F11: variants seen among roughly 807,000 people sequenced by gnomAD.
The protein encoded by F11 is coagulation factor XI, also known as coagualtion factor XI.
F11 carries 78 observed loss-of-function variants against 76.5 expected under a neutral mutation model. That is an observed-to-expected ratio of 1.02 (90% CI 0.85 to 1.23). The LOEUF (loss-of-function observed/expected upper bound fraction) is 1.23. Ranked by LOEUF, F11 falls within the 50% of genes most tolerant of loss-of-function variation. The pLI, the probability that F11 is intolerant of heterozygous loss-of-function variation, is 0.00. For missense variants in F11, 742 were observed against 771.4 expected (o/e 0.96, Z 0.45); for synonymous variants, 278 against 276.3 (o/e 1.01, Z -0.06).
In F11 at chr4:186,288,739, A is replaced by C; in HGVS notation, c.*125A>C. 9.4e-7 allele frequency: 1 copy of C among 1,068,868 alleles called. No individual in the cohort carries two copies. The highest frequency in any genetic ancestry group is 1.4e-5 in the South Asian group (1 of 73,142). The allele number at this position is 1,068,868 out of a possible 1,614,324, so 66.2% of individuals were successfully genotyped here. On this transcript the variant is annotated 3_prime_UTR_variant, in exon 15 of 15. Coordinates refer to ENST00000403665, the MANE Select transcript of F11 (RefSeq NM_000128.4). ...GCTGAAGGGGCTTGGTGTTTGTAAGAAAATGCTAGAAGAAAACAAACTGTC... is the reference window on the plus strand; with the variant it reads ...GCTGAAGGGGCTTGGTGTTTGTAAGCAAATGCTAGAAGAAAACAAACTGTC...
At chr4:186,267,678 C>T (rs1182706232) in intron 2 of F11, among the ~76,000 whole-genome samples, 1 of 152,098 alleles carries the variant, frequency 6.6e-6, no homozygotes, top group South Asian at 2.1e-4. Flanking sequence ...AATTACTTAG[C>T]CAATATTAAG....
In F11 at chr4:186,286,441, T is replaced by G. The variant is rs140068026; in HGVS notation, c.1507T>G (p.Ser503Ala). ...TTCTCAACGACCCATATGCCTGCCT[T>G]CCAAAGGAGATAGAAATGTAATATA... ...TDSQRPICLP[S>A]KGDRNVIYTD... The change falls in exon 13 of 15, where the codon TCC becomes GCC. Residue 503 changes from serine (S) to alanine (A), a missense_variant. Transcript: ENST00000403665. 1 of 1,614,026 alleles carries G rather than the reference T, an allele frequency of 6.2e-7. No homozygotes were observed. Among genetic ancestry groups the G allele is most frequent in the Non-Finnish European group, 8.5e-7 (1 of 1,179,966 alleles).
chr4:186,277,995 C>T (rs1012557616), intron 7 of F11, among the ~76,000 whole-genome samples: 3 of 152,112 alleles, frequency 2.0e-5, no homozygotes, highest in Non-Finnish European at 2.9e-5. Context: ...GACAGAGTTT[C>T]GCCATGTTGG....
chr4:186,267,211 A>T lies in F11; in HGVS notation c.55+20A>T. ...CTGGTGGTAAGTAGAGTGTTATCTT[A>T]ACTATGGGCTGGGAGAGGGAAATCA... On this transcript the variant is annotated intron_variant, in intron 2 of 14. Transcript: ENST00000403665. 6.9e-7 allele frequency: 1 copy of T among 1,444,474 alleles called. No individual in the cohort carries two copies. Among genetic ancestry groups the T allele is most frequent in the African/African-American group, 1.4e-5 (1 of 71,718 alleles). 89.5% of individuals were successfully genotyped at this position (1,444,474 alleles called of 1,614,324 possible). A position where few individuals can be genotyped will look rare whatever the true frequency, so the allele number is the denominator to read the frequency against.
chr4:186,280,023 TC>T lies in F11; in HGVS notation c.769del (p.Thr259HisfsTer90), dbSNP rs1554082832. 6.2e-7 allele frequency: 1 copy of T among 1,613,336 alleles called. No individual in the cohort carries two copies. The highest frequency in any genetic ancestry group is 1.7e-4 in the Middle Eastern group (1 of 6,060). On this transcript the variant is annotated frameshift_variant, in exon 8 of 15. Transcript: ENST00000403665. LOFTEE classifies it high-confidence loss of function. ...WPKESQRNLC[L>X]LKTSESGLPS... ...TTTGTTTTTGTTAGAAATCTTTGTC[TC>T]CTTAAAACATCTGAGAGTGGATTGC...
At chr4:186,279,570 G>A (rs1740628161) in intron 7 of F11, among the ~76,000 whole-genome samples, 2 of 152,050 alleles carry the variant, frequency 1.3e-5, no homozygotes, top group South Asian at 2.1e-4. Context: ...TGTCTACTTA[G>A]GAAAAGTCAC....
At chr4:186,269,468 C>T (rs113858014) in intron 2 of F11, among the ~76,000 whole-genome samples, 3 of 152,334 alleles carry the variant, frequency 2.0e-5, no homozygotes, top group African/African-American at 7.2e-5. Context: ...ACCTTGAGGA[C>T]ATTACGCTAA....
chr4:186,280,135 T>C lies in F11; in HGVS notation c.865+14T>C. On this transcript the variant is annotated intron_variant, in intron 8 of 14. Coordinates refer to ENST00000403665, the MANE Select transcript of F11 (RefSeq NM_000128.4). ...ACAGCATCCCAGGTAAACTGAGAGT[T>C]CTGCATTCTGGCTGAGAGTGACCAG... 6.2e-7 allele frequency: 1 copy of C among 1,614,034 alleles called. No homozygotes were observed.
rs763612601 is a variant in F11 at position 186,280,199 on chromosome 4, T to C, written c.866-24T>C. 8.1e-6 allele frequency: 13 copies of C among 1,614,052 alleles called. No homozygotes were observed. In the Admixed American group the frequency reaches 1.8e-4, roughly 23 times the overall value. Reference sequence around the variant, plus strand: ...GATACATGCTGAGGGAGGGTCTCACTCTGACATGTGGTCTGCTGTCTAGTG... The same window carrying C: ...GATACATGCTGAGGGAGGGTCTCACCCTGACATGTGGTCTGCTGTCTAGTG... On this transcript the variant is annotated intron_variant, in intron 8 of 14. Transcript: ENST00000403665.
intron 4 of F11, 23 bp downstream of exon 4, chr4:186,273,200 A>G (rs1369217137): frequency 6.4e-7 from 1 of 1,551,154 alleles, no homozygotes. Context: ...CTCAGAATCA[A>G]CAAATACCAG....
intron 2 of F11, among the ~76,000 whole-genome samples, chr4:186,267,858 A>G (rs1026750880): frequency 6.6e-6 from 1 of 152,216 alleles, no homozygotes; most frequent in Non-Finnish European, 1.5e-5. Flanking sequence ...CCTATGTGAA[A>G]AAAGGCAAAC....
chr4:186,288,383 G>A, intron 14 of F11, 70 bp from the exon 15 acceptor site: 1 of 1,603,154 alleles, frequency 6.2e-7, no homozygotes, highest in African/African-American at 1.3e-5. Flanking sequence ...ATCAGCCTGA[G>A]CAAGATGTGC....
chr4:186,284,164 T>C lies in F11; in HGVS notation c.1208T>C (p.Val403Ala). Residue 403 changes from valine (V) to alanine (A), a missense_variant, in exon 11 of 15, where the codon GTG becomes GCG. Transcript: ENST00000403665. ...ASVRGEWPWQ[V>A]TLHTTSPTQR... ...GTTCGTGGTGAGTGGCCGTGGCAGG[T>C]GACCCTGCACACAACCTCACCCACT... The C allele has an allele frequency of 6.2e-7, 1 of 1,614,132 alleles. No homozygotes were observed. The highest frequency in any genetic ancestry group is 8.5e-7 in the Non-Finnish European group (1 of 1,180,034).
In F11 at chr4:186,288,503, G is replaced by T. The variant is rs142054643; in HGVS notation, c.1767G>T (p.Leu589=). Residue 589 remains leucine (L), a synonymous_variant, in exon 15 of 15, where the codon CTG becomes CTT. Transcript: ENST00000403665. Reference sequence around the variant, plus strand: ...GCAAACACAATGAGGTCTGGCATCTGGTAGGCATCACGAGCTGGGGCGAAG... The same window carrying T: ...GCAAACACAATGAGGTCTGGCATCTTGTAGGCATCACGAGCTGGGGCGAAG... ...LSCKHNEVWH[L]VGITSWGEGC... is the part of the protein sequence containing the mutation. 4.5e-5 allele frequency: 72 copies of T among 1,614,068 alleles called. No individual in the cohort carries two copies. The African/African-American group carries it at 7.1e-4, about 16-fold the overall frequency.
chr4:186,287,634 G>A (rs1741303458), intron 13 of F11, 50 bp from the exon 14 acceptor site: 3 of 1,239,752 alleles, frequency 2.4e-6, no homozygotes, highest in Non-Finnish European at 3.5e-6. Context: ...ATATGTTTAT[G>A]TGTATTGTGT....
At chr4:186,280,422 C>T (rs1740712371) in intron 9 of F11, 37 bp downstream of exon 9, 1 of 1,614,042 alleles carries the variant, frequency 6.2e-7, no homozygotes, top group Non-Finnish European at 8.5e-7. Context: ...CACCCTTGTC[C>T]CGTCTGCCTG....
chr4:186,274,445 G>T (rs1740220418), intron 5 of F11, 170 bp downstream of exon 5: 3 of 778,302 alleles, frequency 3.9e-6, no homozygotes, highest in Non-Finnish European at 6.3e-6. Context: ...GCCTAATTTG[G>T]ATGCATTTCA....
At chr4:186,276,189 G>C (rs760190067) in intron 6 of F11, 42 bp from the exon 7 acceptor site, 6 of 1,612,980 alleles carry the variant, frequency 3.7e-6, no homozygotes, top group Non-Finnish European at 5.1e-6. Context: ...TTTCCTGATA[G>C]CTGGTGAATT....
Position 186,274,212 on chromosome 4 carries a change from C to A in F11, c.422C>A (p.Thr141Lys), listed in dbSNP as rs200593979. ...GCTCAAGAATGCCAAGAAAGATGCA[C>A]GGATGACGTCCACTGCCACTTTTTC... is the stretch of plus-strand genomic sequence containing the variant. ...KSAQECQERC[T>K]DDVHCHFFTY... The change falls in exon 5 of 15, where the codon ACG becomes AAG. Residue 141 changes from threonine (T) to lysine (K), a missense_variant. Physicochemically the swap from Thr to Lys is moderately conservative, Grantham distance 78. Transcript: ENST00000403665. The A allele has an allele frequency of 6.2e-7, 1 of 1,614,150 alleles. No homozygotes were observed. The highest frequency in any genetic ancestry group is 8.5e-7 in the Non-Finnish European group (1 of 1,180,030).
Sources: gnomAD v4.1 joint callset for allele counts (sites outside exome capture counted in the v4.1 genomes callset) on GRCh38, gnomAD v4.1.1 for gene constraint, MANE v1.5 for transcripts, NCBI Gene and HGNC (gene_info 2026-07-23, HGNC 2026-07-21) for gene names.